Variants in CAMTA1 observed in about 807,000 individuals in gnomAD.
CAMTA1 encodes calmodulin binding transcription activator 1.
CAMTA1 carries 27 observed loss-of-function variants against 170.9 expected under a neutral mutation model. That is an observed-to-expected ratio of 0.16 (90% CI 0.12 to 0.22). The LOEUF (loss-of-function observed/expected upper bound fraction) is 0.22. Among genes scored for constraint, CAMTA1 ranks in the 10% least tolerant of loss-of-function variants. CAMTA1 has a pLI of 1.00. For synonymous variants in CAMTA1, 833 were observed against 891.5 expected (o/e 0.93, Z 1.17); for missense variants, 1,619 against 2,217.2 (o/e 0.73, Z 5.42).
At chr1:7,471,949 T>C (rs927897438) in intron 6 of CAMTA1, among the ~76,000 whole-genome samples, 4 of 152,242 alleles carry the variant, frequency 2.6e-5, no homozygotes, top group African/African-American at 4.8e-5. Context: ...GCAGATTCTG[T>C]ATGGCTCATT....
In CAMTA1 at chr1:7,400,312, CTTTG is replaced by C. The variant is rs545819293; in HGVS notation, c.439-67513_439-67510del. On this transcript the variant is annotated intron_variant, in intron 5 of 22. Coordinates refer to ENST00000303635, the MANE Select transcript of CAMTA1 (RefSeq NM_015215.4). ...TTCATTGAATTCTTCAGCTGTAAGA[CTTTG>C]TTTGGTTCTTTTTTTATATACATCT... is the stretch of plus-strand genomic sequence containing the variant. Among the ~76,000 whole-genome samples the C allele has an allele frequency of 3.1e-4, 47 of 152,158 alleles. No homozygotes were observed. In the East Asian group the frequency reaches 6.8e-3, roughly 22 times the overall value.
intron 5 of CAMTA1, among the ~76,000 whole-genome samples, chr1:7,423,572 T>C (rs1375554017): frequency 6.6e-6 from 1 of 152,060 alleles, no homozygotes; most frequent in African/African-American, 2.4e-5. Context: ...TCTCTATTGT[T>C]CTACTTAGGT....
At chr1:6,846,598 C>G (rs955680127) in intron 3 of CAMTA1, among the ~76,000 whole-genome samples, 2 of 152,146 alleles carry the variant, frequency 1.3e-5, no homozygotes, top group Non-Finnish European at 2.9e-5. Flanking sequence ...AGCTTTTTGT[C>G]AACTTTTTAA....
At chr1:7,602,783 G>C (rs1203043153) in intron 6 of CAMTA1, among the ~76,000 whole-genome samples, 1 of 152,130 alleles carries the variant, frequency 6.6e-6, no homozygotes, top group Admixed American at 6.5e-5. Flanking sequence ...GCTTTCTCTT[G>C]TGGGCATTTA....
chr1:7,746,118 G>T, intron 18 of CAMTA1, 27 bp downstream of exon 18: 1 of 1,606,254 alleles, frequency 6.2e-7, no homozygotes, highest in Non-Finnish European at 8.5e-7. Context: ...CCTTCGTTTT[G>T]TGACATTCTT....
chr1:6,904,437 A>G (rs1410012396), intron 3 of CAMTA1, among the ~76,000 whole-genome samples: 1 of 151,778 alleles, frequency 6.6e-6, no homozygotes, highest in Admixed American at 6.6e-5. Context: ...TTCTTTTACT[A>G]AGAGCTCTCT....
intron 3 of CAMTA1, among the ~76,000 whole-genome samples, chr1:6,904,439 G>A (rs2149231312): frequency 6.6e-6 from 1 of 152,204 alleles, no homozygotes; most frequent in African/African-American, 2.4e-5. Flanking sequence ...CTTTTACTAA[G>A]AGCTCTCTGG....
chr1:7,741,502 C>G (rs569803994), intron 16 of CAMTA1, among the ~76,000 whole-genome samples: 1 of 151,202 alleles, frequency 6.6e-6, no homozygotes, highest in Non-Finnish European at 1.5e-5. Context: ...GCAGAGCTTG[C>G]AGCTAGCCGA....
At chr1:7,083,947 T>C (rs1004417892) in intron 3 of CAMTA1, among the ~76,000 whole-genome samples, 7 of 150,522 alleles carry the variant, frequency 4.7e-5, no homozygotes, top group African/African-American at 1.7e-4. Flanking sequence ...GGCCAGCTGC[T>C]AGGGGAGCCT....
Position 6,887,583 on chromosome 1 carries a change from C to G in CAMTA1, c.234+62373C>G. Reference sequence around the variant, plus strand: ...CCTCTCTCTGCCTCTGGAAATGGGGCAAATTTTTCTTCAGTTAAAAACAGA... The same window carrying G: ...CCTCTCTCTGCCTCTGGAAATGGGGGAAATTTTTCTTCAGTTAAAAACAGA... On this transcript the variant is annotated intron_variant, in intron 3 of 22. Coordinates refer to ENST00000303635, the MANE Select transcript of CAMTA1 (RefSeq NM_015215.4). This position sits in a 1 kb window ranked among gnomAD's most constrained non-coding sequence, Gnocchi z 4.1. The G allele has an allele frequency of 6.6e-7, 1 of 1,509,028 alleles. No individual in the cohort carries two copies. Among genetic ancestry groups the G allele is most frequent in the Non-Finnish European group, 8.8e-7 (1 of 1,131,928 alleles). The allele number at this position is 1,509,028 out of a possible 1,614,324, so 93.5% of individuals were successfully genotyped here.
chr1:6,884,666 C>G (rs1395427680), intron 3 of CAMTA1, among the ~76,000 whole-genome samples: 1 of 152,228 alleles, frequency 6.6e-6, no homozygotes, highest in Non-Finnish European at 1.5e-5. Context: ...ACAAACCCCA[C>G]TGTTAGGAAG....
intron 6 of CAMTA1, among the ~76,000 whole-genome samples, chr1:7,560,048 C>G (rs950579475): frequency 6.6e-6 from 1 of 152,188 alleles, no homozygotes; most frequent in African/African-American, 2.4e-5. Context: ...GACTCTGGGA[C>G]CCCAAGGCCC....
Position 7,547,547 on chromosome 1 carries a change from A to G in CAMTA1, c.510+79646A>G, listed in dbSNP as rs998396717. On this transcript the variant is annotated intron_variant, in intron 6 of 22. Transcript: ENST00000303635. The surrounding 1 kb of genome is among the most constrained non-coding windows in gnomAD (Gnocchi z 5.7). ...TATAAGAAATATTTACATAGCATTT[A>G]CATTGTTACTAGGTATTATAAGTAA... Among the ~76,000 whole-genome samples, 3 of 152,212 alleles carry G rather than the reference A, an allele frequency of 2.0e-5. No homozygotes were observed. Among genetic ancestry groups the G allele is most frequent in the South Asian group, 2.1e-4 (1 of 4,830 alleles).
At position 7,732,377 on chromosome 1, in the gene CAMTA1, G is replaced by C. The variant is rs2096740384; in HGVS notation, c.2915-71G>C. On this transcript the variant is annotated intron_variant, in intron 11 of 22. Transcript: ENST00000303635. The surrounding 1 kb of genome is among the most constrained non-coding windows in gnomAD (Gnocchi z 4.1). ...GGCATTTGGATGCTGGTCCCGCAAGGCTGGCGAGGCCACGTGTTGACTGCT... is the reference window on the plus strand; with the variant it reads ...GGCATTTGGATGCTGGTCCCGCAAGCCTGGCGAGGCCACGTGTTGACTGCT... 3 of 1,382,894 alleles carry C rather than the reference G, an allele frequency of 2.2e-6. No homozygotes were observed. Among genetic ancestry groups the C allele is most frequent in the Admixed American group, 3.4e-5 (2 of 58,574 alleles). 85.7% of individuals were successfully genotyped at this position (1,382,894 alleles called of 1,614,324 possible). A position where few individuals can be genotyped will look rare whatever the true frequency, so the allele number is the denominator to read the frequency against.
intron 11 of CAMTA1, among the ~76,000 whole-genome samples, chr1:7,707,623 C>T (rs527729674): frequency 1.4e-4 from 21 of 152,108 alleles, no homozygotes; most frequent in East Asian, 1.2e-3. Flanking sequence ...GTGATCCACC[C>T]GCCTTTGCCT....
rs537537475 is a variant in CAMTA1, at chr1:6,985,540, T to C, written c.235-105764T>C. 6.6e-5 allele frequency among the ~76,000 whole-genome samples: 10 copies of C among 152,390 alleles called. No homozygotes were observed. In the South Asian group the frequency reaches 2.1e-3, roughly 32 times the overall value. ...TTACGTTATATTTTTTAAAATACTT[T>C]CATCGGGGACCCGATATACACTTAC... On this transcript the variant is annotated intron_variant, in intron 3 of 22. Transcript: ENST00000303635.
chr1:6,954,718 C>A (rs137985963), intron 3 of CAMTA1, among the ~76,000 whole-genome samples: 2 of 152,166 alleles, frequency 1.3e-5, no homozygotes, highest in East Asian at 1.9e-4. Flanking sequence ...TCAAGGACCG[C>A]GAGTGCCTTT....
chr1:6,872,359 T>A (rs772442014), intron 3 of CAMTA1, among the ~76,000 whole-genome samples: 3 of 152,204 alleles, frequency 2.0e-5, no homozygotes, highest in Non-Finnish European at 4.4e-5. Context: ...ATCTTCAGAT[T>A]ATATTTTGTA....
chr1:7,178,822 T>C (rs1278136534), intron 4 of CAMTA1, among the ~76,000 whole-genome samples: 1 of 152,226 alleles, frequency 6.6e-6, no homozygotes, highest in East Asian at 1.9e-4. Context: ...CACAACATGG[T>C]ACCAAGAAGC....
Sources: gnomAD v4.1 joint callset for allele counts (sites outside exome capture counted in the v4.1 genomes callset) on GRCh38, gnomAD v4.1.1 for gene constraint, Gnocchi (gnomAD v3.1) non-coding constraint, MANE v1.5 for transcripts, NCBI Gene and HGNC (gene_info 2026-07-23, HGNC 2026-07-21) for gene names.